The following PDCD6IP variants were observed in gnomAD, a reference collection of about 807,000 sequenced individuals.
The protein encoded by PDCD6IP is programmed cell death 6 interacting protein.
A neutral mutation model predicts 103.7 loss-of-function variants in PDCD6IP; 43 were observed. The ratio of observed to expected loss-of-function variants is 0.41; its 90% confidence interval spans 0.32 to 0.53. The LOEUF (loss-of-function observed/expected upper bound fraction) is 0.53, where lower values mean the gene tolerates loss of function less well. Among genes scored for constraint, PDCD6IP ranks in the 20% least tolerant of loss-of-function variants. The probability of loss-of-function intolerance (pLI) is 0.16; values close to 1 mark genes in which losing one functional copy is unlikely to be tolerated. For missense variants in PDCD6IP, 871 were observed against 1,036.7 expected, an observed-to-expected ratio of 0.84 and a Z score of 2.20; for synonymous variants, 354 against 378.7, an observed-to-expected ratio of 0.93 and a Z score of 0.76.
chr3:33,849,249 A>G (rs559165093), intron 12 of PDCD6IP, among the ~76,000 whole-genome samples: 6 of 150,104 alleles, frequency 4.0e-5, no homozygotes, highest in African/African-American at 1.5e-4. Context: ...CTTTCCTTTG[A>G]TCCTGCCAAG....
At position 33,868,718 on chromosome 3, in the gene PDCD6IP, T is replaced by C. The variant is rs1698121251; in HGVS notation, c.*2193T>C. On this transcript the variant is annotated 3_prime_UTR_variant, in exon 18 of 18. Coordinates refer to ENST00000307296, the MANE Select transcript of PDCD6IP (RefSeq NM_013374.6). ...GATTCAGGTGTGTTGTACCCATATT[T>C]ATAATTAGGCTTTATTATCTTCCTA... The C allele has an allele frequency of 1.3e-5, 2 of 152,198 alleles. No homozygotes were observed. Among genetic ancestry groups the C allele is most frequent in the Non-Finnish European group, 2.9e-5 (2 of 68,040 alleles). 9.4% of individuals were successfully genotyped at this position (152,198 alleles called of 1,614,324 possible).
At chr3:33,856,157 A>G (rs1697824191) in intron 15 of PDCD6IP, among the ~76,000 whole-genome samples, 1 of 152,188 alleles carries the variant, frequency 6.6e-6, no homozygotes, top group Non-Finnish European at 1.5e-5. Flanking sequence ...TCTGAGGTGG[A>G]ACAGTTTCAT....
At chr3:33,837,794 G>A (rs1697383629) in intron 8 of PDCD6IP, among the ~76,000 whole-genome samples, 2 of 152,040 alleles carry the variant, frequency 1.3e-5, no homozygotes. Flanking sequence ...TGCCAAGTTG[G>A]CCAGACTGGT....
At chr3:33,861,853 A>G (rs1057503960) in intron 15 of PDCD6IP, among the ~76,000 whole-genome samples, 4 of 152,234 alleles carry the variant, frequency 2.6e-5, no homozygotes, top group African/African-American at 9.6e-5. Context: ...ATCTTTCATC[A>G]GAAGTTTAAA....
intron 12 of PDCD6IP, 34 bp downstream of exon 12, chr3:33,845,622 G>C (rs1476300424): frequency 6.0e-6 from 9 of 1,512,090 alleles, no homozygotes; most frequent in Non-Finnish European, 8.1e-6. Context: ...GTTGTCATCT[G>C]CTTAAGAAAA....
intron 15 of PDCD6IP, among the ~76,000 whole-genome samples, chr3:33,859,775 A>G (rs1256291422): frequency 6.6e-6 from 1 of 152,218 alleles, no homozygotes; most frequent in African/African-American, 2.4e-5. Context: ...GTAAAGAATA[A>G]TAAGACTGCA....
In PDCD6IP at chr3:33,828,625, TAAAA is replaced by T. The variant is rs1234098689; in HGVS notation, c.718-223_718-220del. 7 of 316,602 alleles carry T rather than the reference TAAAA, an allele frequency of 2.2e-5. No homozygotes were observed. The East Asian group carries it at 2.7e-4, about 12-fold the overall frequency. The allele number at this position is 316,602 out of a possible 1,614,324, so 19.6% of individuals were successfully genotyped here. ...ACCTAAATTGGCTTCAGTTAACAGT[TAAAA>T]AAAACCCCTTCAATTGGAAGAAAAA... On this transcript the variant is annotated intron_variant, in intron 6 of 17. Coordinates refer to ENST00000307296, the MANE Select transcript of PDCD6IP (RefSeq NM_013374.6).
Position 33,799,054 on chromosome 3 carries a change from T to G in PDCD6IP, c.209+117T>G, listed in dbSNP as rs955868100. ...TGGGCGGAGCCGCCCCGTCCCGGCCTGACCAGGCGCGTAGGTGTGGTCTGC... is the reference window on the plus strand; with the variant it reads ...TGGGCGGAGCCGCCCCGTCCCGGCCGGACCAGGCGCGTAGGTGTGGTCTGC... On this transcript the variant is annotated intron_variant, in intron 1 of 17. Transcript: ENST00000307296. 4 of 1,001,252 alleles carry G rather than the reference T, an allele frequency of 4.0e-6. No individual in the cohort carries two copies. The Admixed American group carries it at 8.6e-5, about 22-fold the overall frequency. 62.0% of individuals were successfully genotyped at this position (1,001,252 alleles called of 1,614,324 possible).
rs909290785 is a variant in PDCD6IP, at chr3:33,842,212, G to A, written c.1359+138G>A. On this transcript the variant is annotated intron_variant, in intron 10 of 17. Transcript: ENST00000307296. ...ACTTTGGTGAATTTACTGTGGCCCA[G>A]AGCCTTCTCTTTAGCATAAGAGAAA... 20 of 546,136 alleles carry A rather than the reference G, an allele frequency of 3.7e-5. No homozygotes were observed. In the African/African-American group the frequency reaches 3.8e-4, roughly 10 times the overall value. 33.8% of individuals were successfully genotyped at this position (546,136 alleles called of 1,614,324 possible). A position where few individuals can be genotyped will look rare whatever the true frequency, so the allele number is the denominator to read the frequency against.
chr3:33,840,511 C>T (rs1457849752), intron 9 of PDCD6IP, among the ~76,000 whole-genome samples: 1 of 152,176 alleles, frequency 6.6e-6, no homozygotes. Context: ...ATGGATTTTA[C>T]CATCATTTTT....
chr3:33,863,546 TATC>T lies in PDCD6IP; in HGVS notation c.2121-457_2121-455del, dbSNP rs1214351153. Among the ~76,000 whole-genome samples the T allele has an allele frequency of 3.9e-5, 6 of 152,344 alleles. No individual in the cohort carries two copies. The East Asian group carries it at 9.6e-4, about 24-fold the overall frequency. ...CTTTCTGTGCCTGGCTTATTTCACT[TATC>T]ATGATGGCCTCCAGTTCCATCCATG... On this transcript the variant is annotated intron_variant, in intron 15 of 17. Transcript: ENST00000307296.
intron 1 of PDCD6IP, among the ~76,000 whole-genome samples, chr3:33,803,492 C>T (rs966403007): frequency 6.6e-6 from 1 of 151,914 alleles, no homozygotes; most frequent in Non-Finnish European, 1.5e-5. Context: ...TTTTTCCTTA[C>T]TAATTTGTAG....
intron 12 of PDCD6IP, among the ~76,000 whole-genome samples, chr3:33,848,366 AT>A: frequency 6.6e-6 from 1 of 152,210 alleles, no homozygotes; most frequent in Non-Finnish European, 1.5e-5. Flanking sequence ...TGACAAGGTT[AT>A]AAAAGTAAAA....
intron 15 of PDCD6IP, among the ~76,000 whole-genome samples, chr3:33,863,511 C>G (rs1240563888): frequency 6.6e-6 from 1 of 152,170 alleles, no homozygotes; most frequent in Non-Finnish European, 1.5e-5. Context: ...GGAGAACATG[C>G]AATATTTGTC....
rs1251394619 is a variant in PDCD6IP, at chr3:33,838,371, T to G, written c.1181+44T>G. On this transcript the variant is annotated intron_variant, in intron 9 of 17. Transcript: ENST00000307296. ...TAGAGCCTAAAGTTTTCCGTTTGGT[T>G]GTTCTTTAGTTTATGAACATTTTAG... 4.6e-6 allele frequency: 7 copies of G among 1,529,410 alleles called. No individual in the cohort carries two copies. The Admixed American group carries it at 7.1e-5, about 16-fold the overall frequency. 94.7% of individuals were successfully genotyped at this position (1,529,410 alleles called of 1,614,324 possible). A position where few individuals can be genotyped will look rare whatever the true frequency, so the allele number is the denominator to read the frequency against.
intron 1 of PDCD6IP, among the ~76,000 whole-genome samples, chr3:33,807,313 C>G (rs1279936778): frequency 6.6e-6 from 1 of 152,180 alleles, no homozygotes; most frequent in African/African-American, 2.4e-5. Flanking sequence ...CCTGTGAGCA[C>G]CACTCCAGTG....
intron 3 of PDCD6IP, among the ~76,000 whole-genome samples, chr3:33,815,930 A>G (rs1323953546): frequency 1.3e-5 from 2 of 152,220 alleles, no homozygotes. Flanking sequence ...TATCAAAGTC[A>G]GAGCTAAGTA....
rs751787248 is a variant in PDCD6IP at position 33,854,028 on chromosome 3, C to G, written c.2025+15C>G. 3 of 1,558,528 alleles carry G rather than the reference C, an allele frequency of 1.9e-6. No individual in the cohort carries two copies. Among genetic ancestry groups the G allele is most frequent in the South Asian group, 1.3e-5 (1 of 79,450 alleles). On this transcript the variant is annotated intron_variant, in intron 14 of 17. Transcript: ENST00000307296. The stretch of plus-strand genomic sequence containing the variant: ...AAGGCACAAAGGTATGAAGTACATG[C>G]AAAAGGAACCATAGCTAGCAAGTAC...
At chr3:33,828,694 C>G (rs1471296178) in intron 6 of PDCD6IP, 159 bp from the exon 7 acceptor site, 1 of 524,272 alleles carries the variant, frequency 1.9e-6, no homozygotes, top group Admixed American at 4.1e-5. Context: ...AAAATCATGT[C>G]GTCTTCTCTG....
Sources: allele counts gnomAD v4.1 joint callset (sites outside exome capture counted in the v4.1 genomes callset), GRCh38; gene constraint gnomAD v4.1.1; transcripts MANE v1.5; gene names NCBI Gene and HGNC (gene_info 2026-07-23, HGNC 2026-07-21).